Variants in RGS9 observed in about 807,000 individuals in gnomAD.
The protein encoded by RGS9 is regulator of G protein signaling 9.
A neutral mutation model predicts 102.0 loss-of-function variants in RGS9; 78 were observed. That is an observed-to-expected ratio of 0.76 (90% CI 0.64 to 0.92). The LOEUF (loss-of-function observed/expected upper bound fraction) is 0.92, where lower values mean the gene tolerates loss of function less well. Ranked by LOEUF, RGS9 falls within the 40% of genes least tolerant of loss-of-function variation. The probability of loss-of-function intolerance (pLI) is 0.00; values close to 1 mark genes in which losing one functional copy is unlikely to be tolerated. For missense variants in RGS9, 833 were observed against 866.1 expected, an observed-to-expected ratio of 0.96 and a Z score of 0.48; for synonymous variants, 353 against 318.6, an observed-to-expected ratio of 1.11 and a Z score of -1.15.
chr17:65,162,401 A>T (rs982202887), intron 6 of RGS9, among the ~76,000 whole-genome samples: 9 of 152,102 alleles, frequency 5.9e-5, no homozygotes, highest in Non-Finnish European at 1.2e-4. Context: ...ATTGATTTTC[A>T]AATTATTTTT....
chr17:65,224,119 C>T (rs1905500676), intron 17 of RGS9, among the ~76,000 whole-genome samples: 1 of 152,208 alleles, frequency 6.6e-6, no homozygotes, highest in African/African-American at 2.4e-5. Flanking sequence ...CCAGCAAACC[C>T]AGGCCCATGG....
intron 15 of RGS9, among the ~76,000 whole-genome samples, chr17:65,207,116 C>G (rs1459170766): frequency 6.6e-6 from 1 of 152,176 alleles, no homozygotes; most frequent in African/African-American, 2.4e-5. Context: ...TAACTGGACT[C>G]TACGCGTTGG....
intron 15 of RGS9, among the ~76,000 whole-genome samples, chr17:65,204,723 T>A (rs114320772): frequency 6.6e-6 from 1 of 152,136 alleles, no homozygotes; most frequent in Non-Finnish European, 1.5e-5. Flanking sequence ...GTAGGAGTAA[T>A]GGCATTAGTA....
At chr17:65,209,603 T>G (rs887362742) in intron 16 of RGS9, among the ~76,000 whole-genome samples, 2 of 152,188 alleles carry the variant, frequency 1.3e-5, no homozygotes, top group Non-Finnish European at 2.9e-5. Flanking sequence ...AGAGTTTGGT[T>G]CCAGGAATCC....
intron 9 of RGS9, among the ~76,000 whole-genome samples, chr17:65,188,442 A>G (rs964928845): frequency 6.6e-6 from 1 of 152,118 alleles, no homozygotes; most frequent in Non-Finnish European, 1.5e-5. Context: ...CCTTTCCATT[A>G]TGTGCTTTAT....
intron 17 of RGS9, among the ~76,000 whole-genome samples, chr17:65,215,550 T>C (rs908793266): frequency 1.4e-4 from 16 of 118,344 alleles, no homozygotes; most frequent in African/African-American, 5.2e-4. Context: ...CTTTCTTTTT[T>C]TTTGTTTTGA....
intron 16 of RGS9, 22 bp from the exon 17 acceptor site, chr17:65,210,466 A>G (rs199937597): frequency 2.7e-5 from 43 of 1,612,080 alleles, no homozygotes; most frequent in Non-Finnish European, 8.5e-6. Context: ...TCCTCCAACC[A>G]CCAATCTGTC....
intron 1 of RGS9, among the ~76,000 whole-genome samples, chr17:65,148,161 C>T (rs985142339): frequency 1.3e-5 from 2 of 152,192 alleles, no homozygotes; most frequent in East Asian, 1.9e-4. Context: ...TAAGTGGAAT[C>T]GTGTGGTATT....
chr17:65,146,637 G>A (rs970559721), intron 1 of RGS9, among the ~76,000 whole-genome samples: 4 of 151,746 alleles, frequency 2.6e-5, no homozygotes, highest in Non-Finnish European at 5.9e-5. Context: ...GCTCATGCCT[G>A]TAATCCCAGC....
At chr17:65,200,382 A>G (rs1912784235) in intron 13 of RGS9, among the ~76,000 whole-genome samples, 1 of 152,206 alleles carries the variant, frequency 6.6e-6, no homozygotes, top group Non-Finnish European at 1.5e-5. Context: ...AGTCTTCACC[A>G]TATTTTGTTC....
At chr17:65,167,197 TTTTA>T (rs1459091420) in intron 7 of RGS9, among the ~76,000 whole-genome samples, 1 of 152,028 alleles carries the variant, frequency 6.6e-6, no homozygotes, top group Non-Finnish European at 1.5e-5. Flanking sequence ...AACAGCCCTT[TTTTA>T]TTTATTTATT....
chr17:65,176,382 A>T (rs560663446), intron 8 of RGS9, among the ~76,000 whole-genome samples: 1 of 152,316 alleles, frequency 6.6e-6, no homozygotes, highest in South Asian at 2.1e-4. Context: ...TCTTCACAAG[A>T]ACCTGCCACG....
At chr17:65,157,234 G>A (rs140577729) in intron 2 of RGS9, among the ~76,000 whole-genome samples, 51 of 152,284 alleles carry the variant, frequency 3.3e-4, no homozygotes, top group African/African-American at 1.1e-3. Context: ...AGCAGGCTAA[G>A]ATTGCTGGAA....
At chr17:65,224,059 A>C (rs1424919211) in intron 17 of RGS9, among the ~76,000 whole-genome samples, 3 of 152,176 alleles carry the variant, frequency 2.0e-5, no homozygotes, top group African/African-American at 7.2e-5. Flanking sequence ...GCTGGGCTTC[A>C]TGCCAGGCTT....
chr17:65,164,677 G>A (rs60814564), intron 7 of RGS9, among the ~76,000 whole-genome samples: 4 of 152,124 alleles, frequency 2.6e-5, no homozygotes, highest in African/African-American at 9.7e-5. Flanking sequence ...CCCTCCAGGG[G>A]GGAAAATATG....
chr17:65,168,097 T>G, intron 7 of RGS9, 103 bp from the exon 8 acceptor site: 1 of 725,880 alleles, frequency 1.4e-6, no homozygotes, highest in Non-Finnish European at 2.5e-6. Context: ...GTGAATTACT[T>G]GGGCAGGTTG....
At chr17:65,168,150 C>A in intron 7 of RGS9, 50 bp from the exon 8 acceptor site, 4 of 1,325,512 alleles carry the variant, frequency 3.0e-6, no homozygotes, top group South Asian at 2.5e-5. Flanking sequence ...CATCACTAAT[C>A]AAAAGACACA....
rs1913252391 is a variant in RGS9 at position 65,210,535 on chromosome 17, C to T, written c.1337C>T (p.Pro446Leu). The T allele has an allele frequency of 6.2e-7, 1 of 1,614,078 alleles. No homozygotes were observed. Among genetic ancestry groups the T allele is most frequent in the Non-Finnish European group, 8.5e-7 (1 of 1,180,038 alleles). ...CGTCACCTGCGCTCCAGCCCAAGCC[C>T]TGTCATCCTGAGACAGCTGGAAGAG... ...MRRHLRSSPS[P>L]VILRQLEEEA... The change falls in exon 17 of 19, where the codon CCT (proline) becomes CTT (leucine). Residue 446 changes from proline to leucine, a missense_variant. Pro to Leu is a moderately conservative substitution (Grantham distance 98). Around this residue, in one of 3 missense-constraint regions of RGS9, gnomAD observed 185 missense variants for 248.7 expected, o/e 0.74. Transcript: ENST00000262406.
At position 65,202,966 on chromosome 17, in the gene RGS9, C is replaced by T. The variant is rs370486422; in HGVS notation, c.1064+886C>T. ...GTTAGTTCATACTCACATGCTTAGC[C>T]GTGTTGCCCAAAGCCCAAGCACCAC... On this transcript the variant is annotated intron_variant, in intron 14 of 18. Coordinates refer to ENST00000262406, the MANE Select transcript of RGS9 (RefSeq NM_003835.4). Among the ~76,000 whole-genome samples, 392 of 152,296 alleles carry T rather than the reference C, an allele frequency of 2.6e-3. 1 individual carries two copies. The highest frequency in any genetic ancestry group is 9.2e-3 in the African/African-American group (381 of 41,550).
Sources: allele counts gnomAD v4.1 joint callset (sites outside exome capture counted in the v4.1 genomes callset), GRCh38; gene constraint gnomAD v4.1.1; regional missense constraint gnomAD v4.1.1; transcripts MANE v1.5; gene names NCBI Gene and HGNC (gene_info 2026-07-23, HGNC 2026-07-21).